Variants in ZNF804B observed in about 807,000 individuals in gnomAD.
The protein encoded by ZNF804B is zinc finger 804B.
A neutral mutation model predicts 101.4 loss-of-function variants in ZNF804B; 80 were observed. The ratio of observed to expected loss-of-function variants is 0.79; its 90% CI spans 0.66 to 0.95. ZNF804B has a LOEUF of 0.95. Among genes scored for constraint, ZNF804B ranks in the 40% least tolerant of loss-of-function variants. The probability of loss-of-function intolerance (pLI) is 0.00; values close to 1 mark genes in which losing one functional copy is unlikely to be tolerated. For missense variants in ZNF804B, 1,673 were observed against 1,561.9 expected, an observed-to-expected ratio of 1.07 and a Z score of -1.20; for synonymous variants, 622 against 558.8, an observed-to-expected ratio of 1.11 and a Z score of -1.59.
chr7:88,857,453 T>C (rs1322555095), intron 1 of ZNF804B, among the ~76,000 whole-genome samples: 1 of 151,996 alleles, frequency 6.6e-6, no homozygotes, highest in Non-Finnish European at 1.5e-5. Flanking sequence ...CCCACAGAAA[T>C]ACAAACTACC....
intron 2 of ZNF804B, among the ~76,000 whole-genome samples, chr7:89,314,705 A>G (rs1375226107): frequency 1.3e-5 from 2 of 152,356 alleles, no homozygotes; most frequent in African/African-American, 4.8e-5. Context: ...AAAACTGAGT[A>G]ACTTTGCAAG....
intron 1 of ZNF804B, among the ~76,000 whole-genome samples, chr7:88,886,585 G>T (rs992354437): frequency 6.6e-6 from 1 of 151,706 alleles, no homozygotes; most frequent in Non-Finnish European, 1.5e-5. Flanking sequence ...AACTAATAAT[G>T]CATTATTTTA....
At chr7:88,951,165 T>C (rs916677543) in intron 1 of ZNF804B, among the ~76,000 whole-genome samples, 1 of 151,912 alleles carries the variant, frequency 6.6e-6, no homozygotes, top group Admixed American at 6.6e-5. Flanking sequence ...CTGAATTGTC[T>C]AGGACCATAC....
intron 1 of ZNF804B, among the ~76,000 whole-genome samples, chr7:88,845,007 T>C (rs1403840007): frequency 6.6e-6 from 1 of 152,202 alleles, no homozygotes; most frequent in Non-Finnish European, 1.5e-5. Context: ...TTTCTGTAGG[T>C]TTATTTTTAA....
intron 1 of ZNF804B, among the ~76,000 whole-genome samples, chr7:88,998,780 G>A (rs1014920424): frequency 6.6e-6 from 1 of 151,940 alleles, no homozygotes; most frequent in Admixed American, 6.6e-5. Flanking sequence ...CTTACAATAC[G>A]GGATAATTGG....
At chr7:89,112,918 A>C (rs899230063) in intron 1 of ZNF804B, among the ~76,000 whole-genome samples, 1 of 152,242 alleles carries the variant, frequency 6.6e-6, no homozygotes, top group Non-Finnish European at 1.5e-5. Flanking sequence ...GCCAAAGGGC[A>C]ACCAGATAGA....
chr7:88,928,503 A>G (rs1171058203), intron 1 of ZNF804B, among the ~76,000 whole-genome samples: 1 of 152,156 alleles, frequency 6.6e-6, no homozygotes, highest in African/African-American at 2.4e-5. Context: ...TGGGGTGAGA[A>G]AAGCCCTAGA....
At chr7:88,924,423 T>C (rs1397109370) in intron 1 of ZNF804B, among the ~76,000 whole-genome samples, 1 of 152,140 alleles carries the variant, frequency 6.6e-6, no homozygotes, top group Admixed American at 6.6e-5. Flanking sequence ...TTCTTATCAA[T>C]GTATAGATGT....
At chr7:89,315,942 A>G (rs1790720176) in intron 2 of ZNF804B, among the ~76,000 whole-genome samples, 1 of 152,144 alleles carries the variant, frequency 6.6e-6, no homozygotes, top group African/African-American at 2.4e-5. Flanking sequence ...GCTAACTCAT[A>G]TTTATTGTCT....
At chr7:89,169,386 T>C (rs1043945657) in intron 1 of ZNF804B, among the ~76,000 whole-genome samples, 1 of 152,196 alleles carries the variant, frequency 6.6e-6, no homozygotes, top group Non-Finnish European at 1.5e-5. Context: ...CAATATATGA[T>C]TTGACTATTT....
chr7:88,770,266 A>C (rs1415744015), intron 1 of ZNF804B, among the ~76,000 whole-genome samples: 1 of 152,174 alleles, frequency 6.6e-6, no homozygotes, highest in African/African-American at 2.4e-5. Context: ...AAAGAGGATG[A>C]GATGATTATC....
At chr7:89,160,282 G>T in intron 1 of ZNF804B, among the ~76,000 whole-genome samples, 1 of 152,114 alleles carries the variant, frequency 6.6e-6, no homozygotes, top group East Asian at 1.9e-4. Flanking sequence ...AGGCTCAATA[G>T]TGTCTTTCCT....
At chr7:89,284,227 T>C (rs943176227) in intron 2 of ZNF804B, among the ~76,000 whole-genome samples, 2 of 152,228 alleles carry the variant, frequency 1.3e-5, no homozygotes, top group African/African-American at 4.8e-5. Flanking sequence ...ATATTGTAAG[T>C]ATCCACTTAA....
intron 1 of ZNF804B, among the ~76,000 whole-genome samples, chr7:88,835,273 G>C (rs1329952780): frequency 6.6e-6 from 1 of 151,760 alleles, no homozygotes; most frequent in African/African-American, 2.4e-5. Flanking sequence ...GCTGGCAATA[G>C]AAGTAGCTAC....
At chr7:89,282,009 G>A (rs554797150) in intron 2 of ZNF804B, among the ~76,000 whole-genome samples, 11 of 151,782 alleles carry the variant, frequency 7.2e-5, no homozygotes, top group Middle Eastern at 6.8e-3. Context: ...AAACCATCCC[G>A]GCTAAAACGG....
intron 1 of ZNF804B, among the ~76,000 whole-genome samples, chr7:89,097,024 G>T (rs1242331985): frequency 3.3e-5 from 5 of 152,218 alleles, no homozygotes; most frequent in Middle Eastern, 3.4e-3. Flanking sequence ...GTCATTTTCA[G>T]TTCCAGGGCT....
chr7:88,914,862 A>C (rs759686316), intron 1 of ZNF804B, among the ~76,000 whole-genome samples: 2 of 152,210 alleles, frequency 1.3e-5, no homozygotes, highest in Non-Finnish European at 2.9e-5. Flanking sequence ...AGAAAATGTG[A>C]ATCTAAAGAT....
chr7:89,241,197 CTAACAAA>C (rs1789364659), intron 2 of ZNF804B, among the ~76,000 whole-genome samples: 1 of 152,110 alleles, frequency 6.6e-6, no homozygotes, highest in Non-Finnish European at 1.5e-5. Context: ...CCCCAAATCC[CTAACAAA>C]TAACCCTACT....
intron 1 of ZNF804B, among the ~76,000 whole-genome samples, chr7:88,919,171 T>C (rs979053221): frequency 6.6e-6 from 1 of 152,114 alleles, no homozygotes; most frequent in Non-Finnish European, 1.5e-5. Flanking sequence ...TCTTCCCTAC[T>C]TGGGGTGTCT....
Sources: allele counts gnomAD v4.1 joint callset (sites outside exome capture counted in the v4.1 genomes callset), GRCh38; gene constraint gnomAD v4.1.1; transcripts MANE v1.5; gene names NCBI Gene and HGNC (gene_info 2026-07-23, HGNC 2026-07-21).